CMPK1: variants seen among roughly 807,000 people sequenced by gnomAD.
CMPK1 encodes cytidine/uridine monophosphate kinase 1.
Under a neutral mutation model 25.7 loss-of-function variants are expected in CMPK1, and 10 were observed. That is an observed-to-expected ratio of 0.39 (90% CI 0.24 to 0.66). The LOEUF is 0.66. CMPK1 is among the 30% of genes least tolerant of loss of function. The pLI is 0.48. For missense variants in CMPK1, 199 were observed against 280.5 expected (o/e 0.71, Z 2.08); for synonymous variants, 106 against 101.5 (o/e 1.04, Z -0.27).
At chr1:47,370,808 G>A (rs1345252827) in intron 2 of CMPK1, among the ~76,000 whole-genome samples, 2 of 146,632 alleles carry the variant, frequency 1.4e-5, no homozygotes, top group East Asian at 2.0e-4. Context: ...AAAATTAGTC[G>A]GCCGTGGTGG....
chr1:47,336,497 ATTGGT>A (rs1377381490), intron 1 of CMPK1, among the ~76,000 whole-genome samples: 1 of 151,688 alleles, frequency 6.6e-6, no homozygotes, highest in African/African-American at 2.4e-5. Flanking sequence ...ATCTTATTAT[ATTGGT>A]TATTTTTATT....
chr1:47,359,059 C>T (rs1646582806), intron 1 of CMPK1, among the ~76,000 whole-genome samples: 1 of 152,104 alleles, frequency 6.6e-6, no homozygotes, highest in Admixed American at 6.5e-5. Context: ...TGGCTCACAC[C>T]TGTAATCCGT....
chr1:47,334,155 C>G, intron 1 of CMPK1, 39 bp downstream of exon 1: 2 of 1,436,014 alleles, frequency 1.4e-6, no homozygotes, highest in Middle Eastern at 2.5e-4. Flanking sequence ...TGGGGCTTGA[C>G]GGGATGCGGG....
chr1:47,366,859 G>A (rs1030637411), intron 1 of CMPK1, among the ~76,000 whole-genome samples: 1 of 151,994 alleles, frequency 6.6e-6, no homozygotes, highest in African/African-American at 2.4e-5. Context: ...TGAGTAGCTG[G>A]GATTACAGGC....
At chr1:47,345,492 A>ATGTC (rs761192894) in intron 1 of CMPK1, among the ~76,000 whole-genome samples, 19 of 130,738 alleles carry the variant, frequency 1.5e-4, no homozygotes, top group Non-Finnish European at 2.1e-4. Context: ...TAGCAATTTA[A>ATGTC]TTTCTTTTTT....
Position 47,373,123 on chromosome 1 carries a change from A to G in CMPK1, c.471+16A>G. On this transcript the variant is annotated intron_variant, in intron 3 of 5. Coordinates refer to ENST00000371873, the MANE Select transcript of CMPK1 (RefSeq NM_016308.3). ...TAATAATGAGGTAATGAAAATCTTC[A>G]TCTGCCCACATAGGCTTTAAGCAAC... The G allele has an allele frequency of 6.3e-7, 1 of 1,595,704 alleles. No individual in the cohort carries two copies. Among genetic ancestry groups the G allele is most frequent in the Non-Finnish European group, 8.5e-7 (1 of 1,171,420 alleles).
At chr1:47,358,497 A>G (rs934039300) in intron 1 of CMPK1, 7 of 1,099,828 alleles carry the variant, frequency 6.4e-6, no homozygotes, top group Admixed American at 4.7e-5. Context: ...TTAGTATAGT[A>G]TAGTATGTGT....
intron 1 of CMPK1, among the ~76,000 whole-genome samples, chr1:47,360,098 A>C (rs1246513843): frequency 6.6e-6 from 1 of 152,180 alleles, no homozygotes; most frequent in Non-Finnish European, 1.5e-5. Flanking sequence ...TAACAAGACT[A>C]AGTGAGCGTT....
At chr1:47,373,805 A>G (rs1312310686) in intron 3 of CMPK1, among the ~76,000 whole-genome samples, 1 of 152,134 alleles carries the variant, frequency 6.6e-6, no homozygotes, top group Non-Finnish European at 1.5e-5. Context: ...AAAAAAAGAA[A>G]AAAAAAAAGA....
chr1:47,371,887 C>T (rs1029303394), intron 2 of CMPK1, among the ~76,000 whole-genome samples: 4 of 152,154 alleles, frequency 2.6e-5, no homozygotes, highest in African/African-American at 9.7e-5. Flanking sequence ...AAAATGTGAT[C>T]TTCCTTTACT....
intron 2 of CMPK1, among the ~76,000 whole-genome samples, chr1:47,369,907 CTCT>C (rs1646665618): frequency 1.1e-5 from 1 of 90,304 alleles, no homozygotes; most frequent in Admixed American, 1.3e-4. Flanking sequence ...TTCTTTCTCT[CTCT>C]TTTTTTTTTT....
chr1:47,338,598 G>C (rs35234940), intron 1 of CMPK1, among the ~76,000 whole-genome samples: 1 of 86,396 alleles, frequency 1.2e-5, no homozygotes, highest in Non-Finnish European at 2.4e-5. Flanking sequence ...CCTCCTTCCT[G>C]TTCTTTCTTT....
At chr1:47,338,560 C>T (rs1270911121) in intron 1 of CMPK1, among the ~76,000 whole-genome samples, 1 of 128,128 alleles carries the variant, frequency 7.8e-6, no homozygotes, top group Non-Finnish European at 1.6e-5. Flanking sequence ...TCTCTCCTTC[C>T]CTCCCTCCCT....
At position 47,373,017 on chromosome 1, in the gene CMPK1, A is replaced by G; in HGVS notation, c.381A>G (p.Pro127=). The change falls in exon 3 of 6, where the codon CCA becomes CCG. Residue 127 remains proline (P), a synonymous_variant. Transcript: ENST00000371873. ...QKNKFLIDGF[P]RNQDNLQGWN... is the part of the protein sequence containing the mutation. ...ATAAATTCTTGATTGATGGGTTTCC[A>G]AGAAATCAAGACAACCTTCAAGGAT... The G allele has an allele frequency of 6.2e-7, 1 of 1,613,514 alleles. No individual in the cohort carries two copies. Among genetic ancestry groups the G allele is most frequent in the Non-Finnish European group, 8.5e-7 (1 of 1,179,654 alleles).
At chr1:47,340,312 A>C (rs1646432313) in intron 1 of CMPK1, among the ~76,000 whole-genome samples, 1 of 151,638 alleles carries the variant, frequency 6.6e-6, no homozygotes, top group African/African-American at 2.4e-5. Context: ...CTCAAAAAAA[A>C]AAAAAAGAGA....
intron 1 of CMPK1, among the ~76,000 whole-genome samples, chr1:47,366,648 T>C (rs1646641454): frequency 6.6e-6 from 1 of 152,204 alleles, no homozygotes; most frequent in Non-Finnish European, 1.5e-5. Flanking sequence ...TTGACATCTT[T>C]ATATTCATTT....
intron 1 of CMPK1, among the ~76,000 whole-genome samples, chr1:47,339,174 T>C (rs1646421130): frequency 6.6e-6 from 1 of 151,858 alleles, no homozygotes; most frequent in Non-Finnish European, 1.5e-5. Context: ...GCCTCCCAAG[T>C]AGCTGGGACT....
At chr1:47,370,430 G>C (rs962231802) in intron 2 of CMPK1, among the ~76,000 whole-genome samples, 1 of 150,702 alleles carries the variant, frequency 6.6e-6, no homozygotes, top group Non-Finnish European at 1.5e-5. Flanking sequence ...CTTGAGGTCA[G>C]GAGTTCGAGA....
chr1:47,342,649 C>CTTTTTTTTTT (rs11334963), intron 1 of CMPK1, among the ~76,000 whole-genome samples: 47 of 116,426 alleles, frequency 4.0e-4, no homozygotes, highest in African/African-American at 6.2e-4. Flanking sequence ...TCTCTTTTTT[C>CTTTTTTTTTT]TTTTTTTTTT....
Sources: allele counts gnomAD v4.1 joint callset (sites outside exome capture counted in the v4.1 genomes callset), GRCh38; gene constraint gnomAD v4.1.1; transcripts MANE v1.5; gene names NCBI Gene and HGNC (gene_info 2026-07-23, HGNC 2026-07-21).